MDGA2: variants seen among roughly 807,000 people sequenced by gnomAD.
MDGA2 encodes MAM domain containing glycosylphosphatidylinositol anchor 2.
In MDGA2, 40 loss-of-function variants were observed where a neutral mutation model predicts 117.8. The ratio of observed to expected loss-of-function variants is 0.34; its 90% CI spans 0.26 to 0.44. The LOEUF is 0.44. Among genes scored for constraint, MDGA2 ranks in the 20% least tolerant of loss-of-function variants. The probability of loss-of-function intolerance (pLI) is 1.00; values close to 1 mark genes in which losing one functional copy is unlikely to be tolerated. For synonymous variants in MDGA2, 452 were observed against 439.0 expected (o/e 1.03, Z -0.37); for missense variants, 1,123 against 1,250.6 (o/e 0.90, Z 1.54).
intron 8 of MDGA2, among the ~76,000 whole-genome samples, chr14:47,013,104 G>A (rs568613557): frequency 2.0e-5 from 3 of 152,108 alleles, no homozygotes; most frequent in African/African-American, 7.2e-5. Context: ...AATGAAGTTT[G>A]CTGCATCAAT....
chr14:47,096,038 T>C (rs1879947976), intron 6 of MDGA2, among the ~76,000 whole-genome samples: 1 of 152,018 alleles, frequency 6.6e-6, no homozygotes, highest in African/African-American at 2.4e-5. Context: ...TCAGAACTTC[T>C]TTCCATCTTC....
intron 1 of MDGA2, among the ~76,000 whole-genome samples, chr14:47,463,017 G>T (rs964147202): frequency 6.6e-6 from 1 of 152,160 alleles, no homozygotes; most frequent in Non-Finnish European, 1.5e-5. Context: ...CTTTGTGTGT[G>T]TGTGTGTGCA....
At chr14:47,324,158 T>C (rs1046863747) in intron 1 of MDGA2, among the ~76,000 whole-genome samples, 5 of 152,114 alleles carry the variant, frequency 3.3e-5, no homozygotes, top group Non-Finnish European at 5.9e-5. Context: ...GGCAAGAGAA[T>C]GGCGTGAACC....
chr14:47,304,393 A>G (rs1230229995), intron 1 of MDGA2, among the ~76,000 whole-genome samples: 1 of 152,190 alleles, frequency 6.6e-6, no homozygotes, highest in Non-Finnish European at 1.5e-5. Flanking sequence ...TGTCTGTCAT[A>G]GTTAAATTAG....
chr14:47,457,811 TG>T (rs1870864926), intron 1 of MDGA2, among the ~76,000 whole-genome samples: 1 of 49,702 alleles, frequency 2.0e-5, no homozygotes. Flanking sequence ...CATTTTTTTC[TG>T]TTTTTTTTTT....
chr14:47,520,438 C>A (rs568548264), intron 1 of MDGA2, among the ~76,000 whole-genome samples: 1 of 152,246 alleles, frequency 6.6e-6, no homozygotes, highest in Non-Finnish European at 1.5e-5. Flanking sequence ...CCAGAAGAGG[C>A]TGATGTCAAT....
intron 1 of MDGA2, among the ~76,000 whole-genome samples, chr14:47,561,392 C>T (rs1172331642): frequency 6.6e-6 from 1 of 151,830 alleles, no homozygotes; most frequent in Non-Finnish European, 1.5e-5. Flanking sequence ...TTGTTCATAT[C>T]GCTGATTCCT....
At chr14:47,208,478 A>C (rs2139470009) in intron 3 of MDGA2, among the ~76,000 whole-genome samples, 1 of 151,762 alleles carries the variant, frequency 6.6e-6, no homozygotes, top group Non-Finnish European at 1.5e-5. Flanking sequence ...TTATATTCAA[A>C]CCATTTTATT....
At chr14:47,531,953 G>A (rs796969845) in intron 1 of MDGA2, among the ~76,000 whole-genome samples, 15 of 152,200 alleles carry the variant, frequency 9.9e-5, no homozygotes, top group Admixed American at 2.6e-4. Context: ...ATATTACTAC[G>A]ATCAAAGCAA....
chr14:47,623,989 T>C (rs1416795367), intron 1 of MDGA2, among the ~76,000 whole-genome samples: 2 of 152,324 alleles, frequency 1.3e-5, no homozygotes, highest in East Asian at 1.9e-4. Context: ...TTCAGCTACA[T>C]TGTATGCTCA....
chr14:47,441,688 G>A lies in MDGA2; in HGVS notation c.281-140138C>T, dbSNP rs891893762. ...TTTGTCATGGGTACAAACAACATAC[G>A]ACAACTAGCAGAGTATCACAATATA... On this transcript the variant is annotated intron_variant, in intron 1 of 16. Transcript: ENST00000399232. Among the ~76,000 whole-genome samples the A allele has an allele frequency of 2.6e-5, 4 of 152,178 alleles. No individual in the cohort carries two copies. The South Asian group carries it at 8.3e-4, about 32-fold the overall frequency.
chr14:46,898,818 G>C (rs1432659973), intron 10 of MDGA2, among the ~76,000 whole-genome samples: 1 of 151,894 alleles, frequency 6.6e-6, no homozygotes, highest in Non-Finnish European at 1.5e-5. Flanking sequence ...TAAGAACAAA[G>C]GGTGTCAATC....
chr14:46,943,154 GTAAT>G (rs1885057754), intron 9 of MDGA2, among the ~76,000 whole-genome samples: 1 of 151,748 alleles, frequency 6.6e-6, no homozygotes, highest in African/African-American at 2.4e-5. Context: ...TTTAACTCTC[GTAAT>G]TACTCTATCT....
intron 1 of MDGA2, among the ~76,000 whole-genome samples, chr14:47,404,621 A>C (rs2138471102): frequency 6.6e-6 from 1 of 152,268 alleles, no homozygotes; most frequent in Non-Finnish European, 1.5e-5. Flanking sequence ...CAGTCTTCTA[A>C]GAAGCTGAGA....
chr14:47,142,472 C>T (rs1053459791), intron 4 of MDGA2, among the ~76,000 whole-genome samples: 1 of 146,998 alleles, frequency 6.8e-6, no homozygotes, highest in Non-Finnish European at 1.5e-5. Context: ...AACAAACAAA[C>T]AAACAAAAAG....
At chr14:47,098,608 T>C (rs959258817) in intron 5 of MDGA2, among the ~76,000 whole-genome samples, 5 of 151,856 alleles carry the variant, frequency 3.3e-5, no homozygotes, top group South Asian at 2.1e-4. Context: ...AAAATAGATA[T>C]TATACTTAAT....
chr14:46,849,113 A>G (rs1880959115), intron 15 of MDGA2, among the ~76,000 whole-genome samples: 1 of 152,000 alleles, frequency 6.6e-6, no homozygotes, highest in South Asian at 2.1e-4. Flanking sequence ...TATTGGTATG[A>G]TAAAGATAAT....
In MDGA2 at chr14:47,380,199, C is replaced by T. The variant is rs551646020; in HGVS notation, c.281-78649G>A. Among the ~76,000 whole-genome samples, 11 of 152,114 alleles carry T rather than the reference C, an allele frequency of 7.2e-5. No homozygotes were observed. The South Asian group carries it at 2.3e-3, about 32-fold the overall frequency. On this transcript the variant is annotated intron_variant, in intron 1 of 16. Coordinates refer to ENST00000399232, the MANE Select transcript of MDGA2 (RefSeq NM_001113498.3). ...AGAACAAAGACACAACATACGAGAA[C>T]CTCTCGGACACATTTAAAGCAGTGT... is the stretch of plus-strand genomic sequence containing the variant.
chr14:47,329,161 G>T (rs574384719), intron 1 of MDGA2, among the ~76,000 whole-genome samples: 27 of 151,966 alleles, frequency 1.8e-4, no homozygotes, highest in Non-Finnish European at 3.5e-4. Flanking sequence ...TGAAATCCTG[G>T]ACTCAAGTGA....
Sources: gnomAD v4.1 joint callset for allele counts (sites outside exome capture counted in the v4.1 genomes callset) on GRCh38, gnomAD v4.1.1 for gene constraint, MANE v1.5 for transcripts, NCBI Gene and HGNC (gene_info 2026-07-23, HGNC 2026-07-21) for gene names.